Variants in DLG2 observed in about 807,000 individuals in gnomAD.
DLG2 encodes the protein discs large MAGUK scaffold protein 2, also known as disks large homolog 2.
Under a neutral mutation model 132.5 loss-of-function variants are expected in DLG2, and 45 were observed. The ratio of observed to expected loss-of-function variants is 0.34; its 90% CI spans 0.27 to 0.44. The LOEUF (loss-of-function observed/expected upper bound fraction) is 0.44, where lower values mean the gene tolerates loss of function less well. Among genes scored for constraint, DLG2 ranks in the 20% least tolerant of loss-of-function variants. The pLI, the probability that DLG2 is intolerant of heterozygous loss-of-function variation, is 1.00. For missense variants in DLG2, 1,045 were observed against 1,196.9 expected (o/e 0.87, Z 1.87); for synonymous variants, 424 against 419.6 (o/e 1.01, Z -0.13).
intron 9 of DLG2, among the ~76,000 whole-genome samples, chr11:84,119,837 A>C (rs940691259): frequency 2.0e-5 from 3 of 152,242 alleles, no homozygotes; most frequent in Non-Finnish European, 4.4e-5. Context: ...CCCTTTCTTG[A>C]AAAGCATGAG....
intron 6 of DLG2, among the ~76,000 whole-genome samples, chr11:84,609,538 C>T (rs1473790988): frequency 2.0e-5 from 3 of 152,052 alleles, no homozygotes; most frequent in Non-Finnish European, 4.4e-5. Flanking sequence ...CCAATGGAAA[C>T]CTTGGGAAAG....
At chr11:83,459,965 C>G (rs768675161) in intron 27 of DLG2, 41 bp from the exon 28 acceptor site, 1 of 1,171,080 alleles carries the variant, frequency 8.5e-7, no homozygotes, top group South Asian at 1.3e-5. Context: ...GAAATAATTT[C>G]CTGGATGGTG....
At chr11:85,621,961 A>G (rs1043962468) in intron 2 of DLG2, among the ~76,000 whole-genome samples, 1 of 152,244 alleles carries the variant, frequency 6.6e-6, no homozygotes, top group African/African-American at 2.4e-5. Flanking sequence ...CTCTCATAAA[A>G]TAAAGAGTCA....
chr11:84,674,339 T>A (rs2099709127), intron 6 of DLG2, among the ~76,000 whole-genome samples: 1 of 152,118 alleles, frequency 6.6e-6, no homozygotes, highest in South Asian at 2.1e-4. Context: ...TTTACTTCCT[T>A]GAGTAGTCAT....
intron 6 of DLG2, among the ~76,000 whole-genome samples, chr11:85,107,263 T>C (rs754265373): frequency 6.6e-6 from 1 of 152,038 alleles, no homozygotes; most frequent in Non-Finnish European, 1.5e-5. Context: ...TGTGCAAATA[T>C]GCAACAAAAC....
rs542538020 is a variant in DLG2 at position 85,361,223 on chromosome 11, T to A, written c.41-75858A>T. On this transcript the variant is annotated intron_variant, in intron 3 of 27. Coordinates refer to ENST00000376104, the MANE Select transcript of DLG2 (RefSeq NM_001142699.3). ...CAGGCTGGAGTGCAGTGGCACGATC[T>A]TGGCTCACTGCAAACTCCGCCTCCC... Among the ~76,000 whole-genome samples, 11 of 152,208 alleles carry A rather than the reference T, an allele frequency of 7.2e-5. 1 individual carries two copies. The South Asian group carries it at 2.3e-3, about 32-fold the overall frequency.
At chr11:84,117,188 T>G (rs954866462) in intron 9 of DLG2, among the ~76,000 whole-genome samples, 1 of 152,322 alleles carries the variant, frequency 6.6e-6, no homozygotes, top group South Asian at 2.1e-4. Flanking sequence ...CTAGAGCACA[T>G]TGGGTTATAC....
chr11:85,402,464 T>C (rs1280776001), intron 3 of DLG2, among the ~76,000 whole-genome samples: 2 of 152,072 alleles, frequency 1.3e-5, no homozygotes, highest in Non-Finnish European at 2.9e-5. Context: ...CCAAAAGCAA[T>C]GGCAACAAAA....
chr11:85,506,427 ATTGGTT>A (rs2093935234), intron 3 of DLG2, among the ~76,000 whole-genome samples: 1 of 152,108 alleles, frequency 6.6e-6, no homozygotes, highest in Non-Finnish European at 1.5e-5. Flanking sequence ...CTTTGTTCTC[ATTGGTT>A]TCAAAGGACA....
intron 6 of DLG2, among the ~76,000 whole-genome samples, chr11:84,542,776 G>A (rs1029076577): frequency 1.3e-5 from 2 of 151,836 alleles, no homozygotes; most frequent in Non-Finnish European, 2.9e-5. Flanking sequence ...GATGAACCAC[G>A]TGAAAACAAA....
chr11:84,348,433 T>C (rs1353591473), intron 7 of DLG2, among the ~76,000 whole-genome samples: 6 of 152,210 alleles, frequency 3.9e-5, no homozygotes, highest in Admixed American at 3.9e-4. Flanking sequence ...AAGAAAGATA[T>C]TCCATGGGAT....
At chr11:85,290,741 T>A (rs1401610455) in intron 3 of DLG2, among the ~76,000 whole-genome samples, 1 of 152,064 alleles carries the variant, frequency 6.6e-6, no homozygotes, top group African/African-American at 2.4e-5. Flanking sequence ...AACAAAAAAA[T>A]TGACTTCTAG....
chr11:83,587,147 C>T (rs1451326804), intron 19 of DLG2, among the ~76,000 whole-genome samples: 1 of 151,964 alleles, frequency 6.6e-6, no homozygotes, highest in Non-Finnish European at 1.5e-5. Context: ...TATTGTTATG[C>T]TTTGGATTAA....
intron 5 of DLG2, among the ~76,000 whole-genome samples, chr11:85,148,258 G>T (rs1331756605): frequency 2.0e-5 from 3 of 151,908 alleles, no homozygotes; most frequent in African/African-American, 7.3e-5. Context: ...TATTCCTTTG[G>T]GTATATACCT....
chr11:84,471,096 T>C (rs778313498), intron 7 of DLG2, among the ~76,000 whole-genome samples: 24 of 151,684 alleles, frequency 1.6e-4, no homozygotes, highest in Admixed American at 3.3e-4. Flanking sequence ...TTCTCTTCAC[T>C]GAGGGCCAAG....
At chr11:84,447,209 T>TG (rs942186483) in intron 7 of DLG2, among the ~76,000 whole-genome samples, 3 of 152,142 alleles carry the variant, frequency 2.0e-5, no homozygotes, top group African/African-American at 7.2e-5. Context: ...CTTTATAAAA[T>TG]GGGGGTAATA....
In DLG2 at chr11:84,000,588, T is replaced by C. The variant is rs151076066; in HGVS notation, c.920-19946A>G. ...CACATTACAGTCAAACTGTCTAAAG[T>C]CAAAGACAAAGAATTCAAAAAGCAT... On this transcript the variant is annotated intron_variant, in intron 11 of 27. Transcript: ENST00000376104. Among the ~76,000 whole-genome samples, 377 of 152,102 alleles carry C rather than the reference T, an allele frequency of 2.5e-3. 5 individuals are homozygous for C. The highest frequency in any genetic ancestry group is 0.012 in the East Asian group (62 of 5,174).
At chr11:83,559,811 C>T (rs2096579984) in intron 19 of DLG2, among the ~76,000 whole-genome samples, 1 of 152,118 alleles carries the variant, frequency 6.6e-6, no homozygotes, top group South Asian at 2.1e-4. Flanking sequence ...CCTGGCACTC[C>T]AGCAGCCAAA....
chr11:85,273,336 A>C lies in DLG2; in HGVS notation c.186+11884T>G, dbSNP rs188898343. Among the ~76,000 whole-genome samples the C allele has an allele frequency of 1.0e-3, 153 of 152,300 alleles. 4 individuals are homozygous for C. The East Asian group carries it at 0.02, about 20-fold the overall frequency. The stretch of plus-strand genomic sequence containing the variant: ...ACAGGCAACCTACAGAATGGGAAGA[A>C]ATTTTTACAATCTACCCATCTGACA... On this transcript the variant is annotated intron_variant, in intron 4 of 27. Transcript: ENST00000376104.
Sources: allele counts gnomAD v4.1 joint callset (sites outside exome capture counted in the v4.1 genomes callset), GRCh38; gene constraint gnomAD v4.1.1; transcripts MANE v1.5; gene names NCBI Gene and HGNC (gene_info 2026-07-23, HGNC 2026-07-21).